The following CCDC102B variants were observed in gnomAD, a reference collection of about 807,000 sequenced individuals.
The protein encoded by CCDC102B is coiled-coil domain containing 102B, also known as coiled-coil domain-containing protein 102B.
Under a neutral mutation model 57.4 loss-of-function variants are expected in CCDC102B, and 75 were observed. The ratio of observed to expected loss-of-function variants is 1.31; its 90% CI spans 1.08 to 1.58. The LOEUF (loss-of-function observed/expected upper bound fraction) is 1.58, where lower values mean the gene tolerates loss of function less well. Among genes scored for constraint, CCDC102B ranks in the 40% most tolerant of loss-of-function variants. The probability of loss-of-function intolerance (pLI) is 0.00; values close to 1 mark genes in which losing one functional copy is unlikely to be tolerated. For synonymous variants in CCDC102B, 206 were observed against 201.9 expected (o/e 1.02, Z -0.17); for missense variants, 636 against 582.6 (o/e 1.09, Z -0.94).
chr18:68,726,577 G>A (rs910116320), intron 2 of CCDC102B, among the ~76,000 whole-genome samples: 28 of 152,102 alleles, frequency 1.8e-4, no homozygotes, highest in Non-Finnish European at 3.5e-4. Flanking sequence ...ACAAGCTAAA[G>A]GTGACTGGTT....
intron 6 of CCDC102B, among the ~76,000 whole-genome samples, chr18:68,942,346 C>T (rs2081584898): frequency 6.6e-6 from 1 of 152,028 alleles, no homozygotes; most frequent in African/African-American, 2.4e-5. Context: ...AAGAAAGAGA[C>T]AGACACAAAG....
intron 6 of CCDC102B, among the ~76,000 whole-genome samples, chr18:68,943,086 T>C (rs1422591605): frequency 9.6e-6 from 1 of 104,270 alleles, no homozygotes; most frequent in East Asian, 2.9e-4. Context: ...AGCACATGTT[T>C]TTGCGAGCAC....
intron 2 of CCDC102B, among the ~76,000 whole-genome samples, chr18:68,718,888 C>A (rs2032173284): frequency 6.6e-6 from 1 of 152,082 alleles, no homozygotes. Context: ...TTTTAAATCA[C>A]TTTGTGTAAA....
intron 2 of CCDC102B, among the ~76,000 whole-genome samples, chr18:68,745,517 A>G (rs2145231914): frequency 1.3e-5 from 2 of 152,218 alleles, no homozygotes; most frequent in Middle Eastern, 6.8e-3. Flanking sequence ...ATGTTTTGAT[A>G]TGTATAATGT....
At chr18:68,721,515 T>A (rs1244437218) in intron 2 of CCDC102B, 1 of 152,154 alleles carries the variant, frequency 6.6e-6, no homozygotes, top group East Asian at 1.9e-4. Flanking sequence ...ACATGAAGCT[T>A]GTGAGCTTCA....
chr18:68,819,346 A>G (rs1670920550), intron 1 of CCDC102B, among the ~76,000 whole-genome samples: 1 of 152,016 alleles, frequency 6.6e-6, no homozygotes, highest in Non-Finnish European at 1.5e-5. Flanking sequence ...TGAAAAAGGG[A>G]AAAATAATTT....
At chr18:69,053,960 T>G (rs1291499408) in intron 7 of CCDC102B, 70 bp from the exon 8 acceptor site, 8 of 1,215,326 alleles carry the variant, frequency 6.6e-6, no homozygotes, top group Non-Finnish European at 9.3e-6. Flanking sequence ...AAGATGTTAT[T>G]TACTATAGCC....
chr18:68,826,002 G>A (rs2036890418), intron 1 of CCDC102B, among the ~76,000 whole-genome samples: 1 of 152,116 alleles, frequency 6.6e-6, no homozygotes, highest in African/African-American at 2.4e-5. Flanking sequence ...ATATACTAAT[G>A]AAAACCTAGA....
chr18:68,794,308 A>G (rs1036317817), upstream of CCDC102B, among the ~76,000 whole-genome samples: 2 of 152,188 alleles, frequency 1.3e-5, no homozygotes, highest in African/African-American at 4.8e-5. Context: ...AAGAGAAAGA[A>G]GTCAACAGAC....
intron 2 of CCDC102B, chr18:68,718,207 A>C (rs1266880953): frequency 1.3e-5 from 2 of 152,260 alleles, no homozygotes; most frequent in African/African-American, 4.8e-5. Context: ...AGTCATATAC[A>C]AGAATGTCTT....
chr18:68,867,286 G>C (rs1444429166), intron 4 of CCDC102B, among the ~76,000 whole-genome samples: 1 of 152,064 alleles, frequency 6.6e-6, no homozygotes, highest in African/African-American at 2.4e-5. Flanking sequence ...CACCGCGCCC[G>C]GCCTTCCCCT....
intron 2 of CCDC102B, among the ~76,000 whole-genome samples, chr18:68,730,397 A>G (rs747487870): frequency 2.0e-5 from 3 of 152,208 alleles, no homozygotes; most frequent in Non-Finnish European, 4.4e-5. Context: ...ACATTTAATT[A>G]GGTTATTCAT....
intron 6 of CCDC102B, among the ~76,000 whole-genome samples, chr18:68,991,577 T>A (rs1383696287): frequency 6.6e-6 from 1 of 152,190 alleles, no homozygotes; most frequent in East Asian, 1.9e-4. Context: ...GAAAAAGAAC[T>A]TGTGATTCCA....
intron 4 of CCDC102B, among the ~76,000 whole-genome samples, chr18:68,857,104 A>G (rs1489754789): frequency 4.2e-5 from 4 of 95,976 alleles, no homozygotes; most frequent in African/African-American, 1.7e-4. Context: ...ATTTTTATAT[A>G]TTATATATAA....
At position 68,763,861 on chromosome 18, in the gene CCDC102B, C is replaced by T. The variant is rs183505571; in HGVS notation, c.-67+47267C>T. On this transcript the variant is annotated intron_variant, in intron 2 of 3. Transcript: ENST00000578970. ...CCATGTGAGTATAATAATAGAGTAA[C>T]TGTGGCTTATAAAGTAGCCTTTTCC... Among the ~76,000 whole-genome samples, 409 of 152,052 alleles carry T rather than the reference C, an allele frequency of 2.7e-3. 1 individual carries two copies. Among genetic ancestry groups the T allele is most frequent in the African/African-American group, 9.5e-3 (394 of 41,454 alleles).
downstream of CCDC102B, among the ~76,000 whole-genome samples, chr18:69,055,359 A>G (rs201448284): frequency 9.2e-5 from 14 of 152,128 alleles, no homozygotes; most frequent in East Asian, 1.6e-3. Context: ...AATGAAATCT[A>G]TCTTGTCGCT....
At chr18:68,835,155 G>C (rs902695573) in intron 1 of CCDC102B, among the ~76,000 whole-genome samples, 5 of 152,134 alleles carry the variant, frequency 3.3e-5, no homozygotes, top group Middle Eastern at 3.4e-3. Context: ...AAAGAATTGG[G>C]TATATGTATT....
chr18:69,022,943 C>G (rs1467648206), intron 7 of CCDC102B, among the ~76,000 whole-genome samples: 1 of 148,390 alleles, frequency 6.7e-6, no homozygotes, highest in Non-Finnish European at 1.5e-5. Context: ...TAGATTACAT[C>G]GACAATTGCA....
At position 69,017,397 on chromosome 18, in the gene CCDC102B, A is replaced by T. The variant is rs146677931; in HGVS notation, c.1434+6293A>T. Among the ~76,000 whole-genome samples, 54 of 152,252 alleles carry T rather than the reference A, an allele frequency of 3.5e-4. No individual in the cohort carries two copies. The East Asian group carries it at 9.8e-3, about 28-fold the overall frequency. On this transcript the variant is annotated intron_variant, in intron 7 of 7. Transcript: ENST00000360242. Reference sequence around the variant, plus strand: ...GCCTCGAGCTTCCCAAAGTGCTGGGATTACAGGCGTGAACCATCTTGCCAG... The same window carrying T: ...GCCTCGAGCTTCCCAAAGTGCTGGGTTTACAGGCGTGAACCATCTTGCCAG...
Sources: allele counts gnomAD v4.1 joint callset (sites outside exome capture counted in the v4.1 genomes callset), GRCh38; gene constraint gnomAD v4.1.1; transcripts MANE v1.5; gene names NCBI Gene and HGNC (gene_info 2026-07-23, HGNC 2026-07-21).